ROBO2: variants seen among roughly 807,000 people sequenced by gnomAD.
The protein encoded by ROBO2 is roundabout guidance receptor 2.
ROBO2 carries 53 observed loss-of-function variants against 160.8 expected under a neutral mutation model. That is an observed-to-expected ratio of 0.33 (90% confidence interval 0.26 to 0.41). ROBO2 has a LOEUF of 0.41. ROBO2 is among the 10% of genes least tolerant of loss of function. ROBO2 has a pLI of 1.00. For synonymous variants in ROBO2, 664 were observed against 611.7 expected (o/e 1.09, Z -1.26); for missense variants, 1,577 against 1,722.4 (o/e 0.92, Z 1.49).
intron 1 of ROBO2, among the ~76,000 whole-genome samples, chr3:77,052,575 G>T (rs893837927): frequency 6.6e-6 from 1 of 152,146 alleles, no homozygotes; most frequent in South Asian, 2.1e-4. Context: ...TTTTGACAAA[G>T]AAATTGCTAA....
At chr3:76,296,230 G>A (rs948060034) in intron 2 of ROBO2, among the ~76,000 whole-genome samples, 14 of 152,032 alleles carry the variant, frequency 9.2e-5, no homozygotes, top group African/African-American at 3.4e-4. Context: ...ACTGGAAGTA[G>A]AAAGGATTCC....
intron 2 of ROBO2, among the ~76,000 whole-genome samples, chr3:77,125,211 A>G (rs183157052): frequency 6.6e-6 from 1 of 152,154 alleles, no homozygotes; most frequent in African/African-American, 2.4e-5. Flanking sequence ...AAACCATATT[A>G]ACTATAATAG....
At chr3:76,531,620 CTTTTTTT>C (rs74266991) in intron 2 of ROBO2, among the ~76,000 whole-genome samples, 2 of 121,856 alleles carry the variant, frequency 1.6e-5, no homozygotes, top group Non-Finnish European at 3.5e-5. Context: ...TGTACAGTTT[CTTTTTTT>C]TTTTTTTTTT....
chr3:76,097,645 AG>A (rs2069508929), intron 2 of ROBO2, among the ~76,000 whole-genome samples: 2 of 152,186 alleles, frequency 1.3e-5, no homozygotes, highest in Non-Finnish European at 2.9e-5. Context: ...CAGGGTAATC[AG>A]GGAGGATCTC....
intron 2 of ROBO2, among the ~76,000 whole-genome samples, chr3:76,281,761 G>C (rs1708243550): frequency 6.6e-6 from 1 of 151,916 alleles, no homozygotes; most frequent in Non-Finnish European, 1.5e-5. Context: ...ACATTTTAGA[G>C]AGTCACTTTA....
At chr3:77,249,884 T>A (rs2090149653) in intron 2 of ROBO2, among the ~76,000 whole-genome samples, 1 of 151,470 alleles carries the variant, frequency 6.6e-6, no homozygotes, top group Admixed American at 6.6e-5. Flanking sequence ...AGTTACTAAG[T>A]GTTAGATTTA....
intron 2 of ROBO2, among the ~76,000 whole-genome samples, chr3:76,522,707 G>C (rs1440466124): frequency 6.6e-6 from 1 of 151,932 alleles, no homozygotes; most frequent in East Asian, 1.9e-4. Context: ...CCATTCATCT[G>C]TCTATCCTAC....
At chr3:77,133,591 T>C (rs2076035802) in intron 2 of ROBO2, among the ~76,000 whole-genome samples, 1 of 149,924 alleles carries the variant, frequency 6.7e-6, no homozygotes, top group Non-Finnish European at 1.5e-5. Context: ...AGCAATTTAG[T>C]ACTCTGCTCT....
chr3:76,036,980 C>G (rs528560933), intron 2 of ROBO2, among the ~76,000 whole-genome samples: 4 of 152,072 alleles, frequency 2.6e-5, no homozygotes, highest in Admixed American at 1.3e-4. Flanking sequence ...ATTTATATTA[C>G]TTTGGAAAAG....
At chr3:76,081,196 C>T (rs60379517) in intron 2 of ROBO2, among the ~76,000 whole-genome samples, 2,991 of 151,730 alleles carry the variant, frequency 0.02, 36 homozygotes, top group East Asian at 0.081. Context: ...CATGTACAAA[C>T]TACATTTTTA....
chr3:77,413,350 G>T (rs779477294), intron 2 of ROBO2, among the ~76,000 whole-genome samples: 10 of 152,140 alleles, frequency 6.6e-5, no homozygotes, highest in African/African-American at 2.4e-4. Context: ...GGAGTTCCAT[G>T]TGAGTGGAAC....
intron 2 of ROBO2, among the ~76,000 whole-genome samples, chr3:77,418,861 C>G (rs2077475029): frequency 1.3e-5 from 2 of 152,106 alleles, no homozygotes; most frequent in South Asian, 4.1e-4. Context: ...TTCTCTCACA[C>G]TGCAGATTAT....
chr3:77,604,749 T>A (rs939725858), intron 20 of ROBO2, among the ~76,000 whole-genome samples: 1 of 152,118 alleles, frequency 6.6e-6, no homozygotes, highest in Non-Finnish European at 1.5e-5. Flanking sequence ...GACTTAAATT[T>A]AAGATCAAAC....
At chr3:76,881,397 A>C (rs553385682) in intron 2 of ROBO2, among the ~76,000 whole-genome samples, 1 of 152,308 alleles carries the variant, frequency 6.6e-6, no homozygotes, top group East Asian at 1.9e-4. Context: ...GTCCTTAGAA[A>C]TACACTATTT....
chr3:76,704,221 C>T (rs991620826), intron 2 of ROBO2, among the ~76,000 whole-genome samples: 17 of 152,118 alleles, frequency 1.1e-4, no homozygotes, highest in African/African-American at 3.6e-4. Flanking sequence ...TTCATTTTCA[C>T]AAAGTTCCTC....
At chr3:76,692,895 CTCTCTA>C (rs1560387899) in intron 2 of ROBO2, among the ~76,000 whole-genome samples, 1 of 151,096 alleles carries the variant, frequency 6.6e-6, no homozygotes, top group Non-Finnish European at 1.5e-5. Flanking sequence ...CTCTCTCTCT[CTCTCTA>C]TATATATAGT....
At chr3:76,562,439 ATCTCTCTCTC>A (rs10598282) in intron 2 of ROBO2, among the ~76,000 whole-genome samples, 3 of 147,226 alleles carry the variant, frequency 2.0e-5, no homozygotes, top group Non-Finnish European at 3.0e-5. Flanking sequence ...TATAAGATTG[ATCTCTCTCTC>A]TCTCTCTCTC....
At chr3:76,147,203 A>C (rs371280173) in intron 2 of ROBO2, among the ~76,000 whole-genome samples, 4 of 152,110 alleles carry the variant, frequency 2.6e-5, no homozygotes, top group East Asian at 3.9e-4. Context: ...ATTAGAGTAC[A>C]TTGAAATATG....
intron 6 of ROBO2, among the ~76,000 whole-genome samples, chr3:77,525,807 A>G (rs549192311): frequency 1.3e-5 from 2 of 150,704 alleles, no homozygotes; most frequent in East Asian, 2.0e-4. Flanking sequence ...TCTTTTGTCA[A>G]TATCCTACAC....
Sources: allele counts gnomAD v4.1 joint callset (sites outside exome capture counted in the v4.1 genomes callset), GRCh38; gene constraint gnomAD v4.1.1; transcripts MANE v1.5; gene names NCBI Gene and HGNC (gene_info 2026-07-23, HGNC 2026-07-21).